The following FSTL5 variants were observed in gnomAD, a reference collection of about 807,000 sequenced individuals.
The protein encoded by FSTL5 is follistatin like 5.
A neutral mutation model predicts 89.1 loss-of-function variants in FSTL5; 62 were observed. The ratio of observed to expected loss-of-function variants is 0.70; its 90% CI spans 0.57 to 0.86. The LOEUF is 0.86. Among genes scored for constraint, FSTL5 ranks in the 40% least tolerant of loss-of-function variants. The pLI, the probability that FSTL5 is intolerant of heterozygous loss-of-function variation, is 0.00. For missense variants in FSTL5, 1,057 were observed against 1,001.6 expected (o/e 1.06, Z -0.75); for synonymous variants, 383 against 346.2 (o/e 1.11, Z -1.18).
intron 15 of FSTL5, among the ~76,000 whole-genome samples, chr4:161,424,863 C>T (rs1732117985): frequency 6.6e-6 from 1 of 152,204 alleles, no homozygotes; most frequent in Admixed American, 6.5e-5. Flanking sequence ...AAATCAGAGT[C>T]AGCATAATAG....
chr4:161,626,693 A>G (rs1470472410), intron 7 of FSTL5, among the ~76,000 whole-genome samples: 1 of 152,120 alleles, frequency 6.6e-6, no homozygotes, highest in Non-Finnish European at 1.5e-5. Flanking sequence ...CTGCCACAGG[A>G]ACATCTGGGC....
At chr4:162,079,382 G>T (rs1290866809) in intron 2 of FSTL5, among the ~76,000 whole-genome samples, 2 of 151,558 alleles carry the variant, frequency 1.3e-5, no homozygotes, top group Non-Finnish European at 3.0e-5. Flanking sequence ...AGTATGGAAG[G>T]TTTTAGCTGT....
chr4:162,107,384 A>G (rs907396936), intron 2 of FSTL5, among the ~76,000 whole-genome samples: 3 of 152,196 alleles, frequency 2.0e-5, no homozygotes, highest in Non-Finnish European at 4.4e-5. Context: ...TATACAATCA[A>G]TGCCCAGTGA....
intron 1 of FSTL5, among the ~76,000 whole-genome samples, chr4:162,163,103 C>T (rs755347737): frequency 9.1e-4 from 138 of 152,076 alleles, no homozygotes; most frequent in Non-Finnish European, 1.7e-3. Flanking sequence ...TACCTCCTCC[C>T]TTCCAAAAAA....
At chr4:162,135,516 C>A (rs2111467424) in intron 1 of FSTL5, among the ~76,000 whole-genome samples, 1 of 152,052 alleles carries the variant, frequency 6.6e-6, no homozygotes, top group Admixed American at 6.5e-5. Flanking sequence ...AATGCCTTAC[C>A]ATTCAATCAA....
At chr4:161,929,779 G>A (rs974856469) in intron 3 of FSTL5, among the ~76,000 whole-genome samples, 3 of 151,080 alleles carry the variant, frequency 2.0e-5, no homozygotes, top group African/African-American at 7.3e-5. Flanking sequence ...AATCAAAAGT[G>A]TCACCATTCT....
chr4:161,401,961 A>T (rs796269609), intron 15 of FSTL5, among the ~76,000 whole-genome samples: 3 of 152,180 alleles, frequency 2.0e-5, no homozygotes, highest in East Asian at 3.9e-4. Context: ...TATTTTTCTT[A>T]TTTTACTAAT....
At chr4:162,140,557 C>G (rs1393587829) in intron 1 of FSTL5, among the ~76,000 whole-genome samples, 1 of 140,810 alleles carries the variant, frequency 7.1e-6, no homozygotes, top group Admixed American at 7.2e-5. Flanking sequence ...ATAACATTGG[C>G]TTTTACTCTA....
intron 2 of FSTL5, among the ~76,000 whole-genome samples, chr4:162,102,019 C>G (rs1290375996): frequency 2.0e-5 from 3 of 152,076 alleles, no homozygotes; most frequent in Non-Finnish European, 1.5e-5. Context: ...CTCTTGAAAA[C>G]AACCACACCT....
chr4:161,968,192 G>A (rs1418364117), intron 3 of FSTL5, among the ~76,000 whole-genome samples: 2 of 151,864 alleles, frequency 1.3e-5, no homozygotes, highest in African/African-American at 2.4e-5. Flanking sequence ...TTCTGAATGT[G>A]AAATACAAGG....
intron 3 of FSTL5, among the ~76,000 whole-genome samples, chr4:161,950,572 C>T (rs1734865125): frequency 6.6e-6 from 1 of 152,132 alleles, no homozygotes; most frequent in Non-Finnish European, 1.5e-5. Context: ...GCAGTCAGGC[C>T]TCCTGTTTCC....
At chr4:161,652,267 T>A (rs532322642) in intron 7 of FSTL5, among the ~76,000 whole-genome samples, 1 of 152,186 alleles carries the variant, frequency 6.6e-6, no homozygotes, top group African/African-American at 2.4e-5. Flanking sequence ...AAACCCCATC[T>A]CTACAAAAAA....
intron 7 of FSTL5, among the ~76,000 whole-genome samples, chr4:161,596,727 G>C (rs575910395): frequency 6.6e-6 from 1 of 152,088 alleles, no homozygotes; most frequent in Admixed American, 6.6e-5. Context: ...GGAATACAAT[G>C]TAATTCGTTA....
chr4:161,483,099 C>A (rs897120445), intron 12 of FSTL5, among the ~76,000 whole-genome samples: 2 of 152,166 alleles, frequency 1.3e-5, no homozygotes, highest in African/African-American at 4.8e-5. Flanking sequence ...AGGCAGAAGT[C>A]TGTCTTCACT....
chr4:162,008,196 G>C (rs1024737216), intron 3 of FSTL5, among the ~76,000 whole-genome samples: 5 of 151,780 alleles, frequency 3.3e-5, no homozygotes, highest in African/African-American at 1.2e-4. Flanking sequence ...GACCATTAAT[G>C]AGAGAACAAG....
intron 7 of FSTL5, among the ~76,000 whole-genome samples, chr4:161,614,068 C>A (rs889422269): frequency 1.3e-5 from 2 of 152,036 alleles, no homozygotes; most frequent in Non-Finnish European, 2.9e-5. Context: ...ATTTAAAATA[C>A]TTTCTTTTAC....
intron 6 of FSTL5, among the ~76,000 whole-genome samples, chr4:161,675,986 C>T (rs533114487): frequency 2.2e-3 from 335 of 152,050 alleles, no homozygotes; most frequent in Non-Finnish European, 3.7e-3. Context: ...TTGTAGGAAA[C>T]GAATCACATC....
intron 8 of FSTL5, among the ~76,000 whole-genome samples, chr4:161,566,180 A>G (rs1400611803): frequency 6.8e-6 from 1 of 148,126 alleles, no homozygotes; most frequent in African/African-American, 2.5e-5. Context: ...CAGCCATTAA[A>G]AAAAAACACA....
At chr4:161,848,860 A>C (rs929961355) in intron 4 of FSTL5, among the ~76,000 whole-genome samples, 2 of 152,156 alleles carry the variant, frequency 1.3e-5, no homozygotes, top group African/African-American at 4.8e-5. Flanking sequence ...CTTGCATTCA[A>C]TTGACCAAAG....
Sources: allele counts gnomAD v4.1 joint callset (sites outside exome capture counted in the v4.1 genomes callset), GRCh38; gene constraint gnomAD v4.1.1; transcripts MANE v1.5; gene names NCBI Gene and HGNC (gene_info 2026-07-23, HGNC 2026-07-21).